The following MID1IP1 variants were observed in gnomAD, a reference collection of about 807,000 sequenced individuals.
MID1IP1 encodes mid1-interacting protein 1.
A neutral mutation model predicts 6.8 loss-of-function variants in MID1IP1; 3 were observed. The observed-to-expected ratio is 0.44, with a 90% CI of 0.20 to 1.14. MID1IP1 has a LOEUF of 1.14. Ranked by LOEUF, MID1IP1 falls within the 50% of genes most tolerant of loss-of-function variation. The probability of loss-of-function intolerance (pLI) is 0.26; values close to 1 mark genes in which losing one functional copy is unlikely to be tolerated. For synonymous variants in MID1IP1, 87 were observed against 70.4 expected, an observed-to-expected ratio of 1.24 and a Z score of -1.18; for missense variants, 127 against 158.4, an observed-to-expected ratio of 0.80 and a Z score of 1.06.
rs753241582 is a variant in MID1IP1, at chrX:38,804,943, C to T, written c.-4C>T. On this transcript the variant is annotated 5_prime_UTR_variant, in exon 3 of 3. Coordinates refer to ENST00000614558, the MANE Select transcript of MID1IP1 (RefSeq NM_021242.6). ...CCCTGCGCTCCAACGTCCGCGCGGC[C>T]ACCATGATGCAAATCTGCGACACCT... The T allele has an allele frequency of 8.6e-7, 1 of 1,164,626 alleles. No individual in the cohort carries two copies. The highest frequency in any genetic ancestry group is 3.0e-5 in the East Asian group (1 of 33,176).
Position 38,803,011 on chromosome X carries a change from T to C in MID1IP1, c.-1667T>C, listed in dbSNP as rs2070471974. 1 of 112,241 alleles carries C rather than the reference T, an allele frequency of 8.9e-6. No individual in the cohort carries two copies. Among genetic ancestry groups the C allele is most frequent in the Admixed American group, 9.3e-5 (1 of 10,704 alleles). 9.2% of individuals were successfully genotyped at this position (112,241 alleles called of 1,213,427 possible). A position where few individuals can be genotyped will look rare whatever the true frequency, so the allele number is the denominator to read the frequency against. ...ATCCGCCCGCCTCGGCCTCCCAAAG[T>C]GCTGGGATTACAGGCGTGAGCCACC... On this transcript the variant is annotated 5_prime_UTR_variant, in exon 2 of 3. Coordinates refer to ENST00000614558, the MANE Select transcript of MID1IP1 (RefSeq NM_021242.6).
rs1602159453 is a variant in MID1IP1, at chrX:38,805,648, T to G, written c.*150T>G. On this transcript the variant is annotated 3_prime_UTR_variant, in exon 3 of 3. Transcript: ENST00000614558. Reference sequence around the variant, plus strand: ...GTACGTGCAGGAGGCGCGGTGGGGCTGCGTGGAGGAGGGGGCCACGTGTGA... The same window carrying G: ...GTACGTGCAGGAGGCGCGGTGGGGCGGCGTGGAGGAGGGGGCCACGTGTGA... 9.8e-6 allele frequency: 5 copies of G among 508,697 alleles called. No individual in the cohort carries two copies. Among genetic ancestry groups the G allele is most frequent in the Non-Finnish European group, 6.4e-6 (2 of 311,607 alleles). 41.9% of individuals were successfully genotyped at this position (508,697 alleles called of 1,213,427 possible). A position where few individuals can be genotyped will look rare whatever the true frequency, so the allele number is the denominator to read the frequency against.
Position 38,805,259 on chromosome X carries a change from G to A in MID1IP1, c.313G>A (p.Val105Ile). Residue 105 changes from valine (V) to isoleucine (I), a missense_variant, in exon 3 of 3, where the codon GTC becomes ATC. Coordinates refer to ENST00000614558, the MANE Select transcript of MID1IP1 (RefSeq NM_021242.6). ...CATCCGCAACGACATCGAGTGGGGG[G>A]TCCTGCACCAGCCGCCTCCACCGGC... ...KSIRNDIEWG[V>I]LHQPPPPAGS... The A allele has an allele frequency of 1.7e-6, 2 of 1,201,635 alleles. No homozygotes were observed. The highest frequency in any genetic ancestry group is 1.1e-6 in the Non-Finnish European group (1 of 889,753).
chrX:38,804,783 C>A lies in MID1IP1; in HGVS notation c.-164C>A, dbSNP rs2070497062. 2 of 522,119 alleles carry A rather than the reference C, an allele frequency of 3.8e-6. No homozygotes were observed. Among genetic ancestry groups the A allele is most frequent in the South Asian group, 4.3e-5 (1 of 23,477 alleles). The allele number at this position is 522,119 out of a possible 1,213,427, so 43.0% of individuals were successfully genotyped here. On this transcript the variant is annotated 5_prime_UTR_variant, in exon 3 of 3. Transcript: ENST00000614558. ...CCGCAGGGCCGGTCTGCCAGCGAGA[C>A]GAGAGTTGGCGAGGGCGGAGGAGTG...
At position 38,805,553 on chromosome X, in the gene MID1IP1, A is replaced by C; in HGVS notation, c.*55A>C. On this transcript the variant is annotated 3_prime_UTR_variant, in exon 3 of 3. Coordinates refer to ENST00000614558, the MANE Select transcript of MID1IP1 (RefSeq NM_021242.6). ...TCTTCGACCCATCTCACCCTCTCTC[A>C]TTCCTCAAAGCTTTTTTTTTTTTTC... The C allele has an allele frequency of 1.7e-5, 17 of 981,931 alleles. No homozygotes were observed. The highest frequency in any genetic ancestry group is 2.4e-5 in the Non-Finnish European group (17 of 720,518). The allele number at this position is 981,931 out of a possible 1,213,427, so 80.9% of individuals were successfully genotyped here.
In MID1IP1 at chrX:38,805,484, A is replaced by G; in HGVS notation, c.538A>G (p.Asn180Asp). The change falls in exon 3 of 3, where the codon AAT becomes GAT. Residue 180 changes from asparagine (N) to aspartate (D), a missense_variant. Physicochemically the swap from Asn to Asp is conservative, Grantham distance 23 (BLOSUM62 1). Coordinates refer to ENST00000614558, the MANE Select transcript of MID1IP1 (RefSeq NM_021242.6). ...ATACAAGCAGGAGATCGGCTTCGGC[A>G]ATTGGGGCCACTGAGGCGTGGCGCC... is the stretch of plus-strand genomic sequence containing the variant. ...NRYKQEIGFG[N>D]WGH is the part of the protein sequence containing the mutation. 2 of 1,209,521 alleles carry G rather than the reference A, an allele frequency of 1.7e-6. No homozygotes were observed. Among genetic ancestry groups the G allele is most frequent in the Non-Finnish European group, 2.2e-6 (2 of 894,859 alleles).
Position 38,805,117 on chromosome X carries a change from C to T in MID1IP1, c.171C>T (p.Gly57=). 8.3e-7 allele frequency: 1 copy of T among 1,207,898 alleles called. No individual in the cohort carries two copies. Among genetic ancestry groups the T allele is most frequent in the Non-Finnish European group, 1.1e-6 (1 of 893,525 alleles). Residue 57 remains glycine (G), a synonymous_variant, in exon 3 of 3, where the codon GGC becomes GGT. Transcript: ENST00000614558. The stretch of plus-strand genomic sequence containing the variant: ...ACAACGATGTTGGCGTGGAGGTAGG[C>T]GGCAGTGGCGGCTGCCTGGAGGAGC... ...GLDNDVGVEV[G]GSGGCLEERT...
intron 1 of MID1IP1, chrX:38,801,729 G>T (rs1382021579): frequency 2.7e-5 from 3 of 111,501 alleles, no homozygotes; most frequent in African/African-American, 6.5e-5. Context: ...CGTTTTTGCT[G>T]GGTGGAATCC....
intron 1 of MID1IP1, among the ~76,000 whole-genome samples, chrX:38,802,272 G>A (rs754469056): frequency 3.6e-5 from 4 of 112,496 alleles, no homozygotes; most frequent in Non-Finnish European, 7.5e-5. Flanking sequence ...AAGAAACTGA[G>A]GCTAGAAAAG....
In MID1IP1 at chrX:38,803,478, C is replaced by T. The variant is rs193151546; in HGVS notation, c.-1200C>T. The T allele has an allele frequency of 8.9e-4, 101 of 113,159 alleles. No homozygotes were observed. The highest frequency in any genetic ancestry group is 3.0e-3 in the African/African-American group (94 of 31,168). The allele number at this position is 113,159 out of a possible 1,213,427, so 9.3% of individuals were successfully genotyped here. The stretch of plus-strand genomic sequence containing the variant: ...CCGACTTGGACAAAAATGGACTTCT[C>T]CCCATTGCCACTTGCAGATCTCTTC... On this transcript the variant is annotated 5_prime_UTR_variant, in exon 2 of 3. Transcript: ENST00000614558.
rs2070473238 is a variant in MID1IP1 at position 38,803,145 on chromosome X, A to T, written c.-1533A>T. ...GATGAGGAATATGGCAAGGGACATG[A>T]GATGGGAAAAATTAAATAGGCTGTG... On this transcript the variant is annotated 5_prime_UTR_variant, in exon 2 of 3. It introduces an in-frame stop codon into an upstream open reading frame of the 5' UTR. Coordinates refer to ENST00000614558, the MANE Select transcript of MID1IP1 (RefSeq NM_021242.6). 1 of 112,768 alleles carries T rather than the reference A, an allele frequency of 8.9e-6. No individual in the cohort carries two copies. The highest frequency in any genetic ancestry group is 1.9e-5 in the Non-Finnish European group (1 of 53,368). 9.3% of individuals were successfully genotyped at this position (112,768 alleles called of 1,213,427 possible).
At position 38,806,434 on chromosome X, in the gene MID1IP1, T is replaced by A. The variant is rs1033935549; in HGVS notation, c.*936T>A. On this transcript the variant is annotated 3_prime_UTR_variant, in exon 3 of 3. Transcript: ENST00000614558. The stretch of plus-strand genomic sequence containing the variant: ...ATATTCTAAAAAATAAAAAAGCAAA[T>A]GTGTCAACTAAATTGGACAAGCGTC... 8.1e-6 allele frequency: 1 copy of A among 123,177 alleles called. No homozygotes were observed. Among genetic ancestry groups the A allele is most frequent in the African/African-American group, 3.3e-5 (1 of 30,729 alleles). The allele number at this position is 123,177 out of a possible 1,213,427, so 10.2% of individuals were successfully genotyped here. A position where few individuals can be genotyped will look rare whatever the true frequency, so the allele number is the denominator to read the frequency against.
chrX:38,805,167 G>A lies in MID1IP1; in HGVS notation c.221G>A (p.Gly74Glu), dbSNP rs758573632. The change falls in exon 3 of 3, where the codon GGA becomes GAA. Residue 74 changes from glycine to glutamate, a missense_variant. Physicochemically the swap from Gly to Glu is moderately conservative, Grantham distance 98 (BLOSUM62 -2). Coordinates refer to ENST00000614558, the MANE Select transcript of MID1IP1 (RefSeq NM_021242.6). ...CGCACGCCCCCAGTCCCCGACTCGG[G>A]AAGCGCCAATGGCAGCTTTTTCGCG... The part of the protein sequence containing the change: ...EERTPPVPDS[G>E]SANGSFFAPS... 6 of 1,208,743 alleles carry A rather than the reference G, an allele frequency of 5.0e-6. No homozygotes were observed. The African/African-American group carries it at 7.0e-5, about 14-fold the overall frequency.
At position 38,805,252 on chromosome X, in the gene MID1IP1, G is replaced by A. The variant is rs150010723; in HGVS notation, c.306G>A (p.Glu102=). 6.1e-5 allele frequency: 73 copies of A among 1,198,986 alleles called. No homozygotes were observed. The African/African-American group carries it at 1.2e-3, about 19-fold the overall frequency. Residue 102 remains glutamate (E), a synonymous_variant, in exon 3 of 3, where the codon GAG becomes GAA. Transcript: ENST00000614558. ...TCAAGTCCATCCGCAACGACATCGA[G>A]TGGGGGGTCCTGCACCAGCCGCCTC... ...VLLKSIRNDI[E]WGVLHQPPPP...
chrX:38,805,563 G>GT lies in MID1IP1; in HGVS notation c.*65_*66insT. ...ATCTCACCCTCTCTCATTCCTCAAA[G>GT]CTTTTTTTTTTTTTCCTGGCTGGGG... On this transcript the variant is annotated 3_prime_UTR_variant, in exon 3 of 3. Transcript: ENST00000614558. 1.1e-6 allele frequency: 1 copy of GT among 923,449 alleles called. No individual in the cohort carries two copies. 76.1% of individuals were successfully genotyped at this position (923,449 alleles called of 1,213,427 possible).
rs1405358790 is a variant in MID1IP1, at chrX:38,805,169, A to G, written c.223A>G (p.Ser75Gly). 1 of 1,210,522 alleles carries G rather than the reference A, an allele frequency of 8.3e-7. No individual in the cohort carries two copies. The highest frequency in any genetic ancestry group is 2.2e-5 in the Admixed American group (1 of 46,008). Residue 75 changes from serine to glycine, a missense_variant, in exon 3 of 3, where the codon AGC becomes GGC. Ser to Gly is a moderately conservative substitution (Grantham distance 56, BLOSUM62 0). Transcript: ENST00000614558. ...CACGCCCCCAGTCCCCGACTCGGGA[A>G]GCGCCAATGGCAGCTTTTTCGCGCC... The part of the protein sequence containing the change: ...ERTPPVPDSG[S>G]ANGSFFAPSR...
Position 38,805,063 on chromosome X carries a change from C to T in MID1IP1, c.117C>T (p.Arg39=), listed in dbSNP as rs746142895. ...CGGTGATGGTGCCCAGCTTGCTGCG[C>T]GACGTGCCCCTGGCTGACCCCGGGT... ...DQTVMVPSLL[R]DVPLADPGLD... is the part of the protein sequence containing the mutation. The change falls in exon 3 of 3, where the codon CGC becomes CGT. Residue 39 remains arginine (R), a synonymous_variant. Transcript: ENST00000614558. 9.9e-6 allele frequency: 12 copies of T among 1,210,335 alleles called. No homozygotes were observed. The highest frequency in any genetic ancestry group is 1.3e-5 in the Non-Finnish European group (12 of 895,086).
rs2070479404 is a variant in MID1IP1, at chrX:38,803,650, A to G, written c.-1028A>G. ...CCCATAGCTGACCAAGGCCAGGGCC[A>G]CTGCGGGAGCACCGCGCGTCCACGT... On this transcript the variant is annotated 5_prime_UTR_variant, in exon 2 of 3. Coordinates refer to ENST00000614558, the MANE Select transcript of MID1IP1 (RefSeq NM_021242.6). 8.9e-6 allele frequency: 1 copy of G among 112,986 alleles called. No homozygotes were observed. Among genetic ancestry groups the G allele is most frequent in the Admixed American group, 9.3e-5 (1 of 10,805 alleles). The allele number at this position is 112,986 out of a possible 1,213,427, so 9.3% of individuals were successfully genotyped here.
Position 38,805,560 on chromosome X carries a change from A to C in MID1IP1, c.*62A>C. ...CCCATCTCACCCTCTCTCATTCCTC[A>C]AAGCTTTTTTTTTTTTTCCTGGCTG... On this transcript the variant is annotated 3_prime_UTR_variant, in exon 3 of 3. Transcript: ENST00000614558. The C allele has an allele frequency of 2.9e-6, 3 of 1,021,310 alleles. No homozygotes were observed. The highest frequency in any genetic ancestry group is 4.0e-6 in the Non-Finnish European group (3 of 754,958). 84.2% of individuals were successfully genotyped at this position (1,021,310 alleles called of 1,213,427 possible).
Sources: allele counts gnomAD v4.1 joint callset (sites outside exome capture counted in the v4.1 genomes callset), GRCh38; gene constraint gnomAD v4.1.1; transcripts MANE v1.5; gene names NCBI Gene and HGNC (gene_info 2026-07-23, HGNC 2026-07-21).